SAMD12: variants seen among roughly 807,000 people sequenced by gnomAD.
The protein encoded by SAMD12 is sterile alpha motif domain containing 12.
SAMD12 carries 9 observed loss-of-function variants against 15.0 expected under a neutral mutation model. The observed-to-expected ratio is 0.60, with a 90% CI of 0.36 to 1.05. The LOEUF (loss-of-function observed/expected upper bound fraction) is 1.05, where lower values mean the gene tolerates loss of function less well. SAMD12 is among the 50% of genes least tolerant of loss of function. The pLI, the probability that SAMD12 is intolerant of heterozygous loss-of-function variation, is 0.01. For missense variants in SAMD12, 230 were observed against 234.2 expected (o/e 0.98, Z 0.12); for synonymous variants, 86 against 90.1 (o/e 0.96, Z 0.25).
intron 4 of SAMD12, among the ~76,000 whole-genome samples, chr8:118,359,959 A>C (rs1563793556): frequency 1.3e-5 from 2 of 152,148 alleles, no homozygotes; most frequent in Non-Finnish European, 2.9e-5. Flanking sequence ...TATAGCATAT[A>C]ATAAGTGTTC....
At chr8:118,537,736 C>A (rs115034310) in intron 2 of SAMD12, among the ~76,000 whole-genome samples, 1,603 of 152,278 alleles carry the variant, frequency 0.011, 28 homozygotes, top group African/African-American at 0.035. Flanking sequence ...ATTTTGAATT[C>A]TCTGTCTGAA....
chr8:118,401,047 T>C (rs1401021688), intron 3 of SAMD12, among the ~76,000 whole-genome samples: 1 of 152,238 alleles, frequency 6.6e-6, no homozygotes, highest in African/African-American at 2.4e-5. Flanking sequence ...GCACCATCCT[T>C]ACAATGATGT....
chr8:118,491,293 C>T (rs1389609510), intron 2 of SAMD12, among the ~76,000 whole-genome samples: 1 of 152,194 alleles, frequency 6.6e-6, no homozygotes, highest in African/African-American at 2.4e-5. Context: ...CCACCTCTCT[C>T]AGGAGATCTA....
intron 1 of SAMD12, among the ~76,000 whole-genome samples, chr8:118,602,553 T>C (rs993054148): frequency 2.0e-5 from 3 of 152,154 alleles, no homozygotes; most frequent in Non-Finnish European, 2.9e-5. Context: ...TTGAAACATA[T>C]CTGAAAATTA....
intron 4 of SAMD12, among the ~76,000 whole-genome samples, chr8:118,205,147 A>G (rs1195485243): frequency 2.0e-5 from 3 of 152,218 alleles, no homozygotes; most frequent in African/African-American, 7.2e-5. Context: ...CCTGACTGCC[A>G]TCTCCTGCCT....
At position 118,453,615 on chromosome 8, in the gene SAMD12, G is replaced by C. The variant is rs113909624; in HGVS notation, c.193-13654C>G. ...GGCTCACTGCAGCCTTAACTTCTCAGATTCAAATGGTCCTCCTATCTCAGC... is the reference window on the plus strand; with the variant it reads ...GGCTCACTGCAGCCTTAACTTCTCACATTCAAATGGTCCTCCTATCTCAGC... On this transcript the variant is annotated intron_variant, in intron 2 of 3. Transcript: ENST00000314727. Among the ~76,000 whole-genome samples, 233 of 152,210 alleles carry C rather than the reference G, an allele frequency of 1.5e-3. 3 individuals are homozygous for C. Among genetic ancestry groups the C allele is most frequent in the Middle Eastern group, 0.01 (3 of 294 alleles).
chr8:118,476,265 T>C (rs76974566), intron 2 of SAMD12, among the ~76,000 whole-genome samples: 4,424 of 152,192 alleles, frequency 0.029, 214 homozygotes, highest in African/African-American at 0.099. Flanking sequence ...CCCCTCAAAG[T>C]CTAGGTAAAC....
chr8:118,451,541 G>T (rs149832785), intron 2 of SAMD12, among the ~76,000 whole-genome samples: 6,382 of 152,240 alleles, frequency 0.042, 336 homozygotes, highest in African/African-American at 0.13. Context: ...ACAAAGTGTT[G>T]TGAAGATCAA....
chr8:118,517,908 C>T (rs74499227), intron 2 of SAMD12, among the ~76,000 whole-genome samples: 5,992 of 152,174 alleles, frequency 0.039, 192 homozygotes, highest in South Asian at 0.13. Flanking sequence ...TCTTCAGTCA[C>T]GATTGAATCT....
chr8:118,348,651 C>A (rs372667281), intron 4 of SAMD12, among the ~76,000 whole-genome samples: 2 of 152,116 alleles, frequency 1.3e-5, no homozygotes, highest in South Asian at 4.1e-4. Flanking sequence ...GGATTACAGG[C>A]GTGAGCCACC....
chr8:118,531,186 A>T (rs1188220862), intron 2 of SAMD12, among the ~76,000 whole-genome samples: 1 of 152,196 alleles, frequency 6.6e-6, no homozygotes, highest in East Asian at 1.9e-4. Flanking sequence ...TCAATAGGGA[A>T]TCCTTTCCCC....
the SAMD12 span, among the ~76,000 whole-genome samples, chr8:118,177,623 C>T: frequency 7.2e-5 from 11 of 152,066 alleles, no homozygotes; most frequent in Admixed American, 3.3e-4. Flanking sequence ...TTTGGGAGGC[C>T]GAGGCAGGAG....
intron 3 of SAMD12, among the ~76,000 whole-genome samples, chr8:118,428,082 G>T (rs958654868): frequency 6.6e-6 from 1 of 152,106 alleles, no homozygotes; most frequent in South Asian, 2.1e-4. Context: ...TTTTCTTTGT[G>T]ACGTATCATT....
At chr8:118,191,797 TATATATATATATATAG>T (rs1385655400) in exon 5 of SAMD12, 20 of 45,934 alleles carry the variant, frequency 4.4e-4, no homozygotes, top group East Asian at 6.5e-4. Context: ...TATATATATA[TATATATATATATATAG>T]AGAGAGAGAG....
At chr8:118,277,440 C>CCCTT (rs1563726858) in intron 4 of SAMD12, among the ~76,000 whole-genome samples, 1 of 152,016 alleles carries the variant, frequency 6.6e-6, no homozygotes, top group East Asian at 1.9e-4. Context: ...TTTCTGTAAA[C>CCCTT]GTCTTGTTAT....
chr8:118,612,342 T>C (rs1371337667), intron 1 of SAMD12, among the ~76,000 whole-genome samples: 1 of 152,206 alleles, frequency 6.6e-6, no homozygotes, highest in African/African-American at 2.4e-5. Context: ...TATTACAAGA[T>C]AAAGTTTAGA....
intron 4 of SAMD12, among the ~76,000 whole-genome samples, chr8:118,219,667 C>T (rs1260268100): frequency 6.6e-6 from 1 of 152,154 alleles, no homozygotes; most frequent in African/African-American, 2.4e-5. Context: ...AGCTCTACTA[C>T]CCTTCTGGAG....
In SAMD12 at chr8:118,191,792, A is replaced by C. The variant is rs1293200846; in HGVS notation, c.*5918T>G. ...TATATATATATATATATATATATAT[A>C]TATATATATATATATATATAGAGAG... On this transcript the variant is annotated 3_prime_UTR_variant, in exon 5 of 5. Transcript: ENST00000409003. 1.6e-3 allele frequency: 101 copies of C among 62,818 alleles called. 2 individuals are homozygous for C. Among genetic ancestry groups the C allele is most frequent in the African/African-American group, 6.0e-3 (97 of 16,114 alleles). 3.9% of individuals were successfully genotyped at this position (62,818 alleles called of 1,614,324 possible).
At chr8:118,248,305 A>G (rs899341149) in intron 4 of SAMD12, among the ~76,000 whole-genome samples, 13 of 152,102 alleles carry the variant, frequency 8.5e-5, no homozygotes, top group Admixed American at 2.0e-4. Flanking sequence ...TCCACAGCAA[A>G]TATTTCTATC....
Sources: gnomAD v4.1 joint callset for allele counts (sites outside exome capture counted in the v4.1 genomes callset) on GRCh38, gnomAD v4.1.1 for gene constraint, MANE v1.5 for transcripts, NCBI Gene and HGNC (gene_info 2026-07-23, HGNC 2026-07-21) for gene names.